Variants in CAPN2 observed in about 807,000 individuals in gnomAD.
The protein encoded by CAPN2 is calpain 2, also known as calpain-2 catalytic subunit.
A neutral mutation model predicts 102.3 loss-of-function variants in CAPN2; 92 were observed. That is an observed-to-expected ratio of 0.90 (90% CI 0.76 to 1.07). The LOEUF is 1.07. Among genes scored for constraint, CAPN2 ranks in the 50% least tolerant of loss-of-function variants. The pLI is 0.00. For synonymous variants in CAPN2, 340 were observed against 355.4 expected (o/e 0.96, Z 0.49); for missense variants, 800 against 909.4 (o/e 0.88, Z 1.55).
At chr1:223,705,078 G>A (rs1009651364) in intron 1 of CAPN2, among the ~76,000 whole-genome samples, 16 of 152,090 alleles carry the variant, frequency 1.1e-4, no homozygotes, top group African/African-American at 3.6e-4. Context: ...CCTGCCCCTC[G>A]GCCAACACCA....
chr1:223,708,790 GAGAGAGAA>G (rs202171077), upstream of CAPN2, among the ~76,000 whole-genome samples: 721 of 150,474 alleles, frequency 4.8e-3, 8 homozygotes, highest in African/African-American at 0.017. Context: ...AAGAGAGAGA[GAGAGAGAA>G]AGAGAGAAGG....
In CAPN2 at chr1:223,740,363, C is replaced by T. The variant is rs186565642; in HGVS notation, c.308-3737C>T. Among the ~76,000 whole-genome samples the T allele has an allele frequency of 5.3e-5, 8 of 152,322 alleles. No homozygotes were observed. In the East Asian group the frequency reaches 9.6e-4, roughly 18 times the overall value. On this transcript the variant is annotated intron_variant, in intron 2 of 20. Coordinates refer to ENST00000295006, the MANE Select transcript of CAPN2 (RefSeq NM_001748.5). ...GGTACACTCACCAGGAGTTTTGCCA[C>T]GAGAGTACACCAAACAAAGGAGACA...
At chr1:223,738,041 TC>T (rs1342271038) in intron 2 of CAPN2, among the ~76,000 whole-genome samples, 1 of 152,222 alleles carries the variant, frequency 6.6e-6, no homozygotes, top group Non-Finnish European at 1.5e-5. Context: ...TGTTTAAACA[TC>T]TAATAGAGGT....
upstream of CAPN2, among the ~76,000 whole-genome samples, chr1:223,711,580 G>A (rs1659728380): frequency 6.6e-6 from 1 of 152,016 alleles, no homozygotes; most frequent in Admixed American, 6.5e-5. Flanking sequence ...TAAACATTTG[G>A]GAGGGTTGTT....
In CAPN2 at chr1:223,755,626, AC is replaced by A; in HGVS notation, c.1284del (p.Ile429SerfsTer12). ...RQRKMGEDMH[T>X]IGFGIYEVPE... is the part of the protein sequence containing the mutation. Reference sequence around the variant, plus strand: ...GAGGAAGATGGGCGAGGACATGCACACCATCGGCTTTGGCATCTATGAGGTG... The same window carrying A: ...GAGGAAGATGGGCGAGGACATGCACACATCGGCTTTGGCATCTATGAGGTG... On this transcript the variant is annotated frameshift_variant, in exon 10 of 21. Transcript: ENST00000295006. LOFTEE classifies it high-confidence loss of function. This position sits in a 1 kb window ranked among gnomAD's most constrained non-coding sequence, Gnocchi z 4.1. 1 of 1,604,132 alleles carries A rather than the reference AC, an allele frequency of 6.2e-7. No homozygotes were observed. Among genetic ancestry groups the A allele is most frequent in the Non-Finnish European group, 8.5e-7 (1 of 1,175,376 alleles).
At position 223,744,153 on chromosome 1, in the gene CAPN2, C is replaced by T. The variant is rs1278175286; in HGVS notation, c.361C>T (p.Leu121=). The change falls in exon 3 of 21, where the codon CTG becomes TTG. Residue 121 remains leucine (L), a synonymous_variant. Coordinates refer to ENST00000295006, the MANE Select transcript of CAPN2 (RefSeq NM_001748.5). The part of the protein sequence containing the change: ...IASLTLNEEI[L]ARVVPLNQSF... ...CTCCCTCACCTTGAATGAAGAAATC[C>T]TGGCTCGAGTCGTCCCCCTAAACCA... 6.2e-7 allele frequency: 1 copy of T among 1,614,080 alleles called. No homozygotes were observed. Among genetic ancestry groups the T allele is most frequent in the Non-Finnish European group, 8.5e-7 (1 of 1,180,032 alleles).
In CAPN2 at chr1:223,754,471, G is replaced by A. The variant is rs1660979691; in HGVS notation, c.1136-1009G>A. Reference sequence around the variant, plus strand: ...AACAACTCTATTGCTATAACCCAAAGGCAGCCATACTTAAGCGAATGGCCG... The same window carrying A: ...AACAACTCTATTGCTATAACCCAAAAGCAGCCATACTTAAGCGAATGGCCG... On this transcript the variant is annotated intron_variant, in intron 9 of 20. Transcript: ENST00000295006. This position sits in a 1 kb window ranked among gnomAD's most constrained non-coding sequence, Gnocchi z 4.7. 6.6e-6 allele frequency among the ~76,000 whole-genome samples: 1 copy of A among 152,194 alleles called. No individual in the cohort carries two copies. Among genetic ancestry groups the A allele is most frequent in the Non-Finnish European group, 1.5e-5 (1 of 68,046 alleles).
Position 223,727,003 on chromosome 1 carries a change from TCTC to T in CAPN2, c.307+9177_307+9179del, listed in dbSNP as rs1277521641. On this transcript the variant is annotated intron_variant, in intron 2 of 20. Coordinates refer to ENST00000295006, the MANE Select transcript of CAPN2 (RefSeq NM_001748.5). The surrounding 1 kb of genome is among the most constrained non-coding windows in gnomAD (Gnocchi z 4.1). Reference sequence around the variant, plus strand: ...CTGAATTGGCTTTTCAGAGGTTCCTTCTCCTCCCTTCCAAAGCGAAGACCCACA... The same window carrying T: ...CTGAATTGGCTTTTCAGAGGTTCCTTCTCCCTTCCAAAGCGAAGACCCACA... 6.6e-6 allele frequency among the ~76,000 whole-genome samples: 1 copy of T among 152,090 alleles called. No individual in the cohort carries two copies. Among genetic ancestry groups the T allele is most frequent in the African/African-American group, 2.4e-5 (1 of 41,412 alleles).
chr1:223,730,613 A>C (rs1042989789), intron 2 of CAPN2, among the ~76,000 whole-genome samples: 2 of 152,144 alleles, frequency 1.3e-5, no homozygotes, highest in Admixed American at 1.3e-4. Context: ...TTGGTATCTT[A>C]TTGCTAGGAA....
intron 1 of CAPN2, among the ~76,000 whole-genome samples, chr1:223,713,159 G>C (rs1391782546): frequency 6.6e-6 from 1 of 152,128 alleles, no homozygotes; most frequent in East Asian, 1.9e-4. Flanking sequence ...GGCCACTTTA[G>C]GACTTCACAA....
rs1439625795 is a variant in CAPN2 at position 223,756,275 on chromosome 1, C to T, written c.1305+626C>T. Among the ~76,000 whole-genome samples the T allele has an allele frequency of 1.3e-5, 2 of 152,238 alleles. No individual in the cohort carries two copies. Among genetic ancestry groups the T allele is most frequent in the Admixed American group, 1.3e-4 (2 of 15,292 alleles). On this transcript the variant is annotated intron_variant, in intron 10 of 20. Transcript: ENST00000295006. This position sits in a 1 kb window ranked among gnomAD's most constrained non-coding sequence, Gnocchi z 4.1. The stretch of plus-strand genomic sequence containing the variant: ...CTGAGAACTCACCCAACACGCTGGG[C>T]CCCTGGGCTCTCCCCACTCCCTTCT...
At chr1:223,750,825 C>A in intron 6 of CAPN2, 65 bp from the exon 7 acceptor site, 1 of 1,466,378 alleles carries the variant, frequency 6.8e-7, no homozygotes, top group Non-Finnish European at 9.3e-7. Flanking sequence ...GGGTTGGAGG[C>A]CCAAGCCTTC....
intron 4 of CAPN2, 99 bp from the exon 5 acceptor site, chr1:223,746,898 T>A (rs1163847322): frequency 9.5e-7 from 1 of 1,053,710 alleles, no homozygotes; most frequent in East Asian, 2.6e-5. Flanking sequence ...AGGGGGTCCC[T>A]GGAGCATCAA....
chr1:223,756,119 G>A lies in CAPN2; in HGVS notation c.1305+470G>A, dbSNP rs934039778. Among the ~76,000 whole-genome samples, 2 of 152,118 alleles carry A rather than the reference G, an allele frequency of 1.3e-5. No homozygotes were observed. The highest frequency in any genetic ancestry group is 2.9e-5 in the Non-Finnish European group (2 of 68,020). On this transcript the variant is annotated intron_variant, in intron 10 of 20. Transcript: ENST00000295006. This position sits in a 1 kb window ranked among gnomAD's most constrained non-coding sequence, Gnocchi z 4.1. ...ACATTGGTCATGATGCTCCCCCCAG[G>A]GCTCTGATGGCTGGAGCCCAGATCC...
chr1:223,709,996 C>G (rs1466760370), upstream of CAPN2, among the ~76,000 whole-genome samples: 1 of 151,920 alleles, frequency 6.6e-6, no homozygotes, highest in Non-Finnish European at 1.5e-5. Flanking sequence ...ATGAAAGGGG[C>G]TCGTGTGGTG....
upstream of CAPN2, among the ~76,000 whole-genome samples, chr1:223,710,800 A>AGCCACCCCCACTACCCACCC (rs1659709601): frequency 6.6e-6 from 1 of 151,934 alleles, no homozygotes; most frequent in Non-Finnish European, 1.5e-5. Context: ...ATATCCTGGA[A>AGCCACCCCCACTACCCACCC]GCCACCCCCA....
intron 2 of CAPN2, among the ~76,000 whole-genome samples, chr1:223,742,913 G>A (rs1353063921): frequency 6.6e-6 from 1 of 152,130 alleles, no homozygotes; most frequent in East Asian, 1.9e-4. Context: ...TATTGTCATG[G>A]GAAATTGTAG....
chr1:223,769,298 T>C (rs1198820969), intron 16 of CAPN2, among the ~76,000 whole-genome samples: 2 of 152,094 alleles, frequency 1.3e-5, no homozygotes, highest in African/African-American at 4.8e-5. Context: ...TTTTTCTATT[T>C]TTAGTAGAGA....
chr1:223,771,687 G>A, intron 18 of CAPN2, 122 bp from the exon 19 acceptor site: 3 of 718,918 alleles, frequency 4.2e-6, no homozygotes, highest in African/African-American at 1.8e-5. Flanking sequence ...CAGAAGAGCA[G>A]CCAAGGGACA....
Sources: gnomAD v4.1 joint callset for allele counts (sites outside exome capture counted in the v4.1 genomes callset) on GRCh38, gnomAD v4.1.1 for gene constraint, Gnocchi (gnomAD v3.1) non-coding constraint, MANE v1.5 for transcripts, NCBI Gene and HGNC (gene_info 2026-07-23, HGNC 2026-07-21) for gene names.